Variants in RASAL1 observed in about 807,000 individuals in gnomAD.
RASAL1 encodes rasGAP-activating-like protein 1.
Under a neutral mutation model 96.6 loss-of-function variants are expected in RASAL1, and 72 were observed. The observed-to-expected ratio is 0.75, with a 90% CI of 0.62 to 0.91. The LOEUF is 0.91. Ranked by LOEUF, RASAL1 falls within the 40% of genes least tolerant of loss-of-function variation. The pLI is 0.00. For synonymous variants in RASAL1, 405 were observed against 430.4 expected, an observed-to-expected ratio of 0.94 and a Z score of 0.73; for missense variants, 1,016 against 1,072.5, an observed-to-expected ratio of 0.95 and a Z score of 0.74.
intron 1 of RASAL1, among the ~76,000 whole-genome samples, chr12:113,132,936 G>C (rs1411087730): frequency 6.6e-6 from 1 of 152,156 alleles, no homozygotes; most frequent in Non-Finnish European, 1.5e-5. Flanking sequence ...TTCCCCATCT[G>C]GGCTTCACCT....
At position 113,103,941 on chromosome 12, in the gene RASAL1, C is replaced by G. The variant is rs933591756; in HGVS notation, c.2104+5G>C. On this transcript the variant is annotated splice_donor_5th_base_variant and intron_variant, in intron 18 of 20. Coordinates refer to ENST00000548055, the MANE Select transcript of RASAL1 (RefSeq NM_001301202.2). ...CGGAGCCTGCAGTCCGCCCTGCCCC[C>G]TCACCTGAGCGCTCAGCCTGGAGGC... is the stretch of plus-strand genomic sequence containing the variant. 1.1e-5 allele frequency: 17 copies of G among 1,552,642 alleles called. No individual in the cohort carries two copies. The East Asian group carries it at 1.4e-4, about 13-fold the overall frequency.
rs1479686883 is a variant in RASAL1, at chr12:113,135,060, C to A, written c.65+338G>T. 1.3e-5 allele frequency among the ~76,000 whole-genome samples: 2 copies of A among 151,824 alleles called. No homozygotes were observed. The highest frequency in any genetic ancestry group is 4.8e-5 in the African/African-American group (2 of 41,320). On this transcript the variant is annotated intron_variant, in intron 1 of 20. Transcript: ENST00000548055. The surrounding 1 kb of genome is among the most constrained non-coding windows in gnomAD (Gnocchi z 5.7). Reference sequence around the variant, plus strand: ...CATCTGCCTGGACTAAGGAAGAGACCCCCCGCTTTCTCCCCTCCCAGATCT... The same window carrying A: ...CATCTGCCTGGACTAAGGAAGAGACACCCCGCTTTCTCCCCTCCCAGATCT...
intron 12 of RASAL1, among the ~76,000 whole-genome samples, chr12:113,112,939 G>C (rs191761983): frequency 7.3e-6 from 1 of 137,438 alleles, no homozygotes; most frequent in African/African-American, 2.8e-5. Flanking sequence ...GTGACACAGC[G>C]AGACTCCATC....
intron 4 of RASAL1, among the ~76,000 whole-genome samples, chr12:113,126,028 T>TA (rs1951468432): frequency 1.3e-5 from 2 of 152,220 alleles, no homozygotes; most frequent in Non-Finnish European, 2.9e-5. Context: ...CTTATGCCTG[T>TA]AATCCCAGCA....
At chr12:113,116,117 C>T in intron 8 of RASAL1, 66 bp from the exon 9 acceptor site, 6 of 1,404,610 alleles carry the variant, frequency 4.3e-6, no homozygotes, top group Admixed American at 4.9e-5. Flanking sequence ...CGCCTGTAAT[C>T]CCAGCATTTT....
At chr12:113,124,495 G>A (rs1026233973) in intron 4 of RASAL1, among the ~76,000 whole-genome samples, 3 of 152,208 alleles carry the variant, frequency 2.0e-5, no homozygotes, top group African/African-American at 4.8e-5. Flanking sequence ...ACAAGTTCCT[G>A]CAAGCCAGGC....
intron 2 of RASAL1, 95 bp from the exon 3 acceptor site, chr12:113,128,273 C>T: frequency 1.3e-6 from 1 of 741,948 alleles, no homozygotes; most frequent in Non-Finnish European, 2.3e-6. Context: ...CACACACACA[C>T]ACACACACGG....
At chr12:113,101,222 C>T (rs1950430743) in intron 19 of RASAL1, among the ~76,000 whole-genome samples, 1 of 152,134 alleles carries the variant, frequency 6.6e-6, no homozygotes, top group Non-Finnish European at 1.5e-5. Context: ...TGGAGACTAG[C>T]CTGGCCAACA....
intron 1 of RASAL1, among the ~76,000 whole-genome samples, chr12:113,132,821 T>C (rs1367273604): frequency 6.6e-6 from 1 of 152,208 alleles, no homozygotes; most frequent in Non-Finnish European, 1.5e-5. Context: ...ACAGACAGTG[T>C]CTTCGTGATC....
At chr12:113,100,806 C>T in intron 19 of RASAL1, 126 bp from the exon 20 acceptor site, 1 of 726,414 alleles carries the variant, frequency 1.4e-6, no homozygotes, top group Non-Finnish European at 2.4e-6. Context: ...TCATCATCAT[C>T]ATCATCTACA....
intron 19 of RASAL1, 115 bp downstream of exon 19, chr12:113,101,774 G>T: frequency 1.5e-6 from 2 of 1,357,754 alleles, no homozygotes; most frequent in Admixed American, 2.8e-5. Flanking sequence ...CAGGCCCCCG[G>T]GGAATATCCA....
intron 8 of RASAL1, 31 bp downstream of exon 8, chr12:113,117,042 C>G (rs748484694): frequency 6.6e-7 from 1 of 1,513,372 alleles, no homozygotes; most frequent in Non-Finnish European, 9.1e-7. Context: ...ATGGCTCCAG[C>G]CTGGCCCCCT....
At chr12:113,112,760 G>A (rs1198970404) in intron 12 of RASAL1, among the ~76,000 whole-genome samples, 2 of 152,118 alleles carry the variant, frequency 1.3e-5, no homozygotes, top group African/African-American at 4.8e-5. Context: ...AGACCAGCCT[G>A]GCCAACATGG....
chr12:113,104,646 C>T lies in RASAL1; in HGVS notation c.1831-348G>A, dbSNP rs187416032. 2.4e-3 allele frequency among the ~76,000 whole-genome samples: 367 copies of T among 152,288 alleles called. 2 individuals are homozygous for T. The highest frequency in any genetic ancestry group is 8.3e-3 in the African/African-American group (345 of 41,570). ...CCTCCCAAGTAGCTGGGATTACAGGCGTGCACCACCGCTCCCGGCTAATTT... is the reference window on the plus strand; with the variant it reads ...CCTCCCAAGTAGCTGGGATTACAGGTGTGCACCACCGCTCCCGGCTAATTT... On this transcript the variant is annotated intron_variant, in intron 16 of 20. Transcript: ENST00000548055.
At chr12:113,116,647 T>G (rs926064086) in intron 8 of RASAL1, among the ~76,000 whole-genome samples, 3 of 152,160 alleles carry the variant, frequency 2.0e-5, no homozygotes, top group African/African-American at 7.2e-5. Flanking sequence ...ATGTACAGGA[T>G]GTGTGGACAA....
intron 19 of RASAL1, 125 bp from the exon 20 acceptor site, chr12:113,100,805 T>TACGGCGAC: frequency 1.4e-6 from 1 of 731,872 alleles, no homozygotes; most frequent in Non-Finnish European, 2.4e-6. Context: ...ATCATCATCA[T>TACGGCGAC]CATCATCTAC....
At position 113,135,363 on chromosome 12, in the gene RASAL1, C is replaced by A. The variant is rs374989542; in HGVS notation, c.65+35G>T. 1.3e-6 allele frequency: 2 copies of A among 1,588,640 alleles called. No individual in the cohort carries two copies. Among genetic ancestry groups the A allele is most frequent in the South Asian group, 2.3e-5 (2 of 87,588 alleles). ...CGTCGGCCCCACCCCAGGCCTTGCG[C>A]GCCCCTCACCCAGAAGCGCCCGAGG... On this transcript the variant is annotated intron_variant, in intron 1 of 20. Transcript: ENST00000548055. The surrounding 1 kb of genome is among the most constrained non-coding windows in gnomAD (Gnocchi z 5.7).
Position 113,122,498 on chromosome 12 carries a change from T to C in RASAL1, c.299-860A>G, listed in dbSNP as rs115599720. Among the ~76,000 whole-genome samples the C allele has an allele frequency of 3.9e-3, 600 of 152,174 alleles. 3 individuals carry two copies. The highest frequency in any genetic ancestry group is 0.014 in the African/African-American group (580 of 41,486). ...ACCACCACAGCTAGCTAATTTTTTG[T>C]GTTTTTTGTAGAGACGAGGTTTTGC... On this transcript the variant is annotated intron_variant, in intron 4 of 20. Coordinates refer to ENST00000548055, the MANE Select transcript of RASAL1 (RefSeq NM_001301202.2).
chr12:113,119,239 G>T lies in RASAL1; in HGVS notation c.531C>A (p.Phe177Leu). 1 of 1,613,600 alleles carries T rather than the reference G, an allele frequency of 6.2e-7. No homozygotes were observed. Residue 177 changes from phenylalanine to leucine, a missense_variant, in exon 7 of 21, where the codon TTC becomes TTA. By Grantham distance (22) the Phe-to-Leu change is conservative. Coordinates refer to ENST00000548055, the MANE Select transcript of RASAL1 (RefSeq NM_001301202.2). ...GCTCCAGCACTTCATCCCAGTGCGG[G>T]AAGCGAGTCTTCTTGATGGTCTGAG... Reference protein sequence around the residue: ...LETSTIKKTRFPHWDEVLELR... With the variant: ...LETSTIKKTRLPHWDEVLELR...
Sources: gnomAD v4.1 joint callset for allele counts (sites outside exome capture counted in the v4.1 genomes callset) on GRCh38, gnomAD v4.1.1 for gene constraint, Gnocchi (gnomAD v3.1) non-coding constraint, MANE v1.5 for transcripts, NCBI Gene and HGNC (gene_info 2026-07-23, HGNC 2026-07-21) for gene names.